RAD51B: variants seen among roughly 807,000 people sequenced by gnomAD.
RAD51B encodes RAD51 paralog B.
Under a neutral mutation model 42.2 loss-of-function variants are expected in RAD51B, and 38 were observed. The observed-to-expected ratio is 0.90, with a 90% CI of 0.70 to 1.18. The LOEUF is 1.18. Among genes scored for constraint, RAD51B ranks in the 50% most tolerant of loss-of-function variants. The pLI, the probability that RAD51B is intolerant of heterozygous loss-of-function variation, is 0.00. For missense variants in RAD51B, 373 were observed against 400.7 expected (o/e 0.93, Z 0.59); for synonymous variants, 154 against 145.2 (o/e 1.06, Z -0.43).
intron 7 of RAD51B, among the ~76,000 whole-genome samples, chr14:68,126,731 CT>C (rs1442642687): frequency 2.0e-5 from 3 of 152,180 alleles, no homozygotes; most frequent in African/African-American, 7.2e-5. Flanking sequence ...GGTACACTTT[CT>C]AACATATATG....
intron 10 of RAD51B, among the ~76,000 whole-genome samples, chr14:68,571,268 T>C (rs1156878964): frequency 1.3e-5 from 2 of 152,224 alleles, no homozygotes; most frequent in Non-Finnish European, 2.9e-5. Context: ...CCATTTCCCA[T>C]TGCTGCCATA....
intron 10 of RAD51B, among the ~76,000 whole-genome samples, chr14:68,607,967 A>G (rs4902613): frequency 0.15 from 22,429 of 152,270 alleles, 1,749 homozygotes; most frequent in East Asian, 0.22. Context: ...AATCAAGAAA[A>G]GAAGGTTCTG....
At chr14:68,678,977 C>T (rs1431547585) in intron 11 of RAD51B, among the ~76,000 whole-genome samples, 1 of 152,158 alleles carries the variant, frequency 6.6e-6, no homozygotes, top group Non-Finnish European at 1.5e-5. Flanking sequence ...TCCCTTCTCC[C>T]TTCTCCCTCC....
intron 7 of RAD51B, among the ~76,000 whole-genome samples, chr14:68,247,103 T>C (rs1430633028): frequency 6.6e-6 from 1 of 152,206 alleles, no homozygotes; most frequent in Non-Finnish European, 1.5e-5. Context: ...ACTAAACTAC[T>C]GTGAAATTCT....
chr14:68,644,752 C>CT lies in RAD51B; in HGVS notation c.1037-6019dup, dbSNP rs112478820. Among the ~76,000 whole-genome samples, 1,233 of 148,282 alleles carry CT rather than the reference C, an allele frequency of 8.3e-3. 13 individuals are homozygous for CT. Among genetic ancestry groups the CT allele is most frequent in the African/African-American group, 0.028 (1,138 of 40,496 alleles). On this transcript the variant is annotated intron_variant, in intron 10 of 11. Transcript: ENST00000488612. ...TGATCAGGCACTGGTTTGTCGTTTG[C>CT]TTTTTTTTTTAATTAACTTCATCTC...
intron 7 of RAD51B, among the ~76,000 whole-genome samples, chr14:68,132,770 C>G (rs1182411490): frequency 1.3e-5 from 2 of 152,234 alleles, no homozygotes; most frequent in African/African-American, 4.8e-5. Context: ...CAGACTTACT[C>G]TCTCATGCAC....
At chr14:68,538,008 C>T (rs766894025) in intron 10 of RAD51B, among the ~76,000 whole-genome samples, 2 of 152,090 alleles carry the variant, frequency 1.3e-5, no homozygotes, top group Non-Finnish European at 2.9e-5. Flanking sequence ...TTTAAGTCAG[C>T]GATCTCAAAC....
chr14:68,005,162 T>A (rs1366959760), intron 7 of RAD51B, among the ~76,000 whole-genome samples: 1 of 146,698 alleles, frequency 6.8e-6, no homozygotes, highest in Non-Finnish European at 1.5e-5. Flanking sequence ...CAAACAATTC[T>A]CCTGCCTCAG....
intron 10 of RAD51B, among the ~76,000 whole-genome samples, chr14:68,585,153 C>T (rs77509760): frequency 9.0e-4 from 137 of 152,314 alleles, no homozygotes; most frequent in African/African-American, 3.1e-3. Context: ...ATTCCCACCT[C>T]TGTGTACTCT....
intron 8 of RAD51B, among the ~76,000 whole-genome samples, chr14:68,317,817 G>A (rs1433557717): frequency 6.6e-6 from 1 of 152,254 alleles, no homozygotes; most frequent in Non-Finnish European, 1.5e-5. Flanking sequence ...CAGTCCAGAA[G>A]AAAGATGTGA....
intron 10 of RAD51B, among the ~76,000 whole-genome samples, chr14:68,631,027 A>G (rs558046232): frequency 5.3e-5 from 8 of 152,326 alleles, no homozygotes; most frequent in Admixed American, 3.9e-4. Context: ...CAGAGCTCAT[A>G]TAATTGAGGC....
downstream of RAD51B, among the ~76,000 whole-genome samples, chr14:68,479,004 G>T (rs907396449): frequency 6.6e-6 from 1 of 152,148 alleles, no homozygotes; most frequent in African/African-American, 2.4e-5. Flanking sequence ...GGCAGCAAGG[G>T]CAATAGGAAG....
Position 67,886,008 on chromosome 14 carries a change from G to T in RAD51B, c.572+20G>T, listed in dbSNP as rs371402078. 2 of 1,529,204 alleles carry T rather than the reference G, an allele frequency of 1.3e-6. No individual in the cohort carries two copies. The highest frequency in any genetic ancestry group is 1.2e-5 in the South Asian group (1 of 81,412). 94.7% of individuals were successfully genotyped at this position (1,529,204 alleles called of 1,614,324 possible). A position where few individuals can be genotyped will look rare whatever the true frequency, so the allele number is the denominator to read the frequency against. ...ACAAAGGTATGCTGCTTTAGATTTT[G>T]ATTTTTTAGTAATGCGTTGAAGGTT... On this transcript the variant is annotated intron_variant, in intron 6 of 10. Transcript: ENST00000471583.
chr14:68,640,613 G>A (rs774731759), intron 10 of RAD51B, among the ~76,000 whole-genome samples: 5 of 152,188 alleles, frequency 3.3e-5, no homozygotes, highest in African/African-American at 4.8e-5. Context: ...AACATAGCAT[G>A]ATAAATGCAA....
At chr14:67,842,191 G>A (rs556927294) in intron 4 of RAD51B, among the ~76,000 whole-genome samples, 2 of 152,124 alleles carry the variant, frequency 1.3e-5, no homozygotes, top group Non-Finnish European at 2.9e-5. Flanking sequence ...CTCTCAGCTG[G>A]AATGTTATTG....
At chr14:68,069,106 C>G (rs1188496119) in intron 7 of RAD51B, among the ~76,000 whole-genome samples, 1 of 151,992 alleles carries the variant, frequency 6.6e-6, no homozygotes, top group Non-Finnish European at 1.5e-5. Flanking sequence ...GTTTTTATGC[C>G]AAAGGTAGGT....
At chr14:68,448,641 AG>A (rs2085479175) in intron 9 of RAD51B, among the ~76,000 whole-genome samples, 1 of 152,218 alleles carries the variant, frequency 6.6e-6, no homozygotes, top group South Asian at 2.1e-4. Context: ...GTAATTTCCA[AG>A]TGTGTCTGCC....
At chr14:68,192,008 G>A (rs540980970) in intron 7 of RAD51B, among the ~76,000 whole-genome samples, 6 of 152,128 alleles carry the variant, frequency 3.9e-5, no homozygotes, top group South Asian at 2.1e-4. Flanking sequence ...CACATTTAAA[G>A]GAGGGTGTTT....
chr14:68,471,201 A>G (rs935205385), intron 10 of RAD51B, among the ~76,000 whole-genome samples: 2 of 152,258 alleles, frequency 1.3e-5, no homozygotes, highest in Middle Eastern at 3.4e-3. Flanking sequence ...TGTGCTGCCA[A>G]CTAGAAGGGA....
Sources: allele counts gnomAD v4.1 joint callset (sites outside exome capture counted in the v4.1 genomes callset), GRCh38; gene constraint gnomAD v4.1.1; transcripts MANE v1.5; gene names NCBI Gene and HGNC (gene_info 2026-07-23, HGNC 2026-07-21).